CSNK1G2: variants seen among roughly 807,000 people sequenced by gnomAD.
The protein encoded by CSNK1G2 is casein kinase 1 gamma 2.
Under a neutral mutation model 48.0 loss-of-function variants are expected in CSNK1G2, and 11 were observed. The observed-to-expected ratio is 0.23, with a 90% CI of 0.14 to 0.38. The LOEUF (loss-of-function observed/expected upper bound fraction) is 0.38, where lower values mean the gene tolerates loss of function less well. Among genes scored for constraint, CSNK1G2 ranks in the 10% least tolerant of loss-of-function variants. The pLI, the probability that CSNK1G2 is intolerant of heterozygous loss-of-function variation, is 1.00. For missense variants in CSNK1G2, 446 were observed against 595.5 expected, an observed-to-expected ratio of 0.75 and a Z score of 2.61; for synonymous variants, 337 against 254.1, an observed-to-expected ratio of 1.33 and a Z score of -3.10.
intron 2 of CSNK1G2, among the ~76,000 whole-genome samples, chr19:1,970,300 C>T (rs965533371): frequency 4.6e-5 from 7 of 152,250 alleles, no homozygotes; most frequent in South Asian, 2.1e-4. Context: ...GGCGAAGCCC[C>T]GGCTTTAACG....
chr19:1,951,971 G>C (rs577302453), intron 1 of CSNK1G2, among the ~76,000 whole-genome samples: 67 of 152,132 alleles, frequency 4.4e-4, no homozygotes, highest in Non-Finnish European at 7.8e-4. Flanking sequence ...AGAGCCACCG[G>C]GCCCGGCCAT....
intron 1 of CSNK1G2, among the ~76,000 whole-genome samples, chr19:1,950,423 G>A (rs2014723337): frequency 1.4e-5 from 2 of 147,250 alleles, no homozygotes; most frequent in African/African-American, 5.2e-5. Flanking sequence ...ACAGGCGTGA[G>A]CCACCGCGCC....
At chr19:1,966,222 G>A (rs192337828) in intron 1 of CSNK1G2, among the ~76,000 whole-genome samples, 320 of 152,328 alleles carry the variant, frequency 2.1e-3, no homozygotes, top group Non-Finnish European at 4.0e-3. Flanking sequence ...AGGCTTTGCC[G>A]TTCTAGAGGC....
intron 6 of CSNK1G2, 32 bp downstream of exon 6, chr19:1,979,125 G>T (rs991097765): frequency 2.5e-6 from 4 of 1,569,132 alleles, no homozygotes; most frequent in Non-Finnish European, 2.6e-6. Flanking sequence ...GGGGGCGGGC[G>T]CCCGGACCCC....
At chr19:1,973,990 C>G (rs2015665585) in intron 2 of CSNK1G2, among the ~76,000 whole-genome samples, 1 of 152,018 alleles carries the variant, frequency 6.6e-6, no homozygotes, top group Admixed American at 6.6e-5. Flanking sequence ...CGGGTTCAAG[C>G]AATTCTCCTG....
At chr19:1,951,812 C>G (rs956137846) in intron 1 of CSNK1G2, among the ~76,000 whole-genome samples, 3 of 149,114 alleles carry the variant, frequency 2.0e-5, no homozygotes, top group Non-Finnish European at 4.4e-5. Context: ...TCCCGAGCAG[C>G]TGGGACCACA....
In CSNK1G2 at chr19:1,980,329, A is replaced by T; in HGVS notation, c.*126A>T. 1 of 1,213,058 alleles carries T rather than the reference A, an allele frequency of 8.2e-7. No individual in the cohort carries two copies. The allele number at this position is 1,213,058 out of a possible 1,614,324, so 75.1% of individuals were successfully genotyped here. Reference sequence around the variant, plus strand: ...ACCCTGGCTGGAAGCCAGAACGCAGACTGCAGGGGCCGCGCCTGGCTCAGG... The same window carrying T: ...ACCCTGGCTGGAAGCCAGAACGCAGTCTGCAGGGGCCGCGCCTGGCTCAGG... On this transcript the variant is annotated 3_prime_UTR_variant, in exon 12 of 12. Transcript: ENST00000255641.
At chr19:1,967,131 A>G (rs1313121995) in intron 1 of CSNK1G2, among the ~76,000 whole-genome samples, 1 of 152,202 alleles carries the variant, frequency 6.6e-6, no homozygotes, top group African/African-American at 2.4e-5. Context: ...CTGGGAAACC[A>G]GAACATTCGA....
At chr19:1,973,174 G>T (rs1345924383) in intron 2 of CSNK1G2, among the ~76,000 whole-genome samples, 1 of 151,496 alleles carries the variant, frequency 6.6e-6, no homozygotes, top group Non-Finnish European at 1.5e-5. Flanking sequence ...TGATCTGCCC[G>T]CCTCGGCCTC....
In CSNK1G2 at chr19:1,979,511, C is replaced by T. The variant is rs935308358; in HGVS notation, c.870C>T (p.Tyr290=). The stretch of plus-strand genomic sequence containing the variant: ...TCTCTGCAGAGGAGATGGCCACGTA[C>T]CTGCGCTATGTGCGGCGCCTGGACT... ...CENFPEEMAT[Y]LRYVRRLDFF... The change falls in exon 9 of 12, where the codon TAC becomes TAT. Residue 290 remains tyrosine (Y), a synonymous_variant. Coordinates refer to ENST00000255641, the MANE Select transcript of CSNK1G2 (RefSeq NM_001319.7). 1 of 1,553,956 alleles carries T rather than the reference C, an allele frequency of 6.4e-7. No individual in the cohort carries two copies. The highest frequency in any genetic ancestry group is 8.7e-7 in the Non-Finnish European group (1 of 1,147,008).
intron 1 of CSNK1G2, among the ~76,000 whole-genome samples, chr19:1,962,132 C>A (rs1427291726): frequency 2.0e-5 from 3 of 151,934 alleles, no homozygotes; most frequent in Non-Finnish European, 2.9e-5. Flanking sequence ...GAGTTCAAGA[C>A]CATCCTGGCC....
chr19:1,974,999 C>G (rs923033312), intron 2 of CSNK1G2: 1 of 928,456 alleles, frequency 1.1e-6, no homozygotes, highest in Non-Finnish European at 1.3e-6. Context: ...CTCCAGGAGT[C>G]TGCAGATCCA....
In CSNK1G2 at chr19:1,968,094, C is replaced by T. The variant is rs111773161; in HGVS notation, c.-265-1414C>T. Among the ~76,000 whole-genome samples, 300 of 39,568 alleles carry T rather than the reference C, an allele frequency of 7.6e-3. 2 individuals are homozygous for T. Among genetic ancestry groups the T allele is most frequent in the African/African-American group, 0.02 (116 of 5,886 alleles). 26.0% of individuals were successfully genotyped at this position (39,568 alleles called of 152,430 possible). The stretch of plus-strand genomic sequence containing the variant: ...CAGGTGGGGCTCCTCCCTCCTCCCT[C>T]CTCCCCAGGCTGCCCCCGACCACCC... On this transcript the variant is annotated intron_variant, in intron 1 of 11. Transcript: ENST00000255641.
At chr19:1,977,352 G>C (rs1231431764) in intron 2 of CSNK1G2, among the ~76,000 whole-genome samples, 2 of 152,220 alleles carry the variant, frequency 1.3e-5, no homozygotes, top group Non-Finnish European at 2.9e-5. Flanking sequence ...AGTCACCACA[G>C]TGGGTGGGGC....
At chr19:1,942,210 T>A (rs573726809) in intron 1 of CSNK1G2, among the ~76,000 whole-genome samples, 101 of 152,216 alleles carry the variant, frequency 6.6e-4, no homozygotes, top group African/African-American at 2.3e-3. Flanking sequence ...GAGGGTGAGA[T>A]GTCTGAGCAG....
chr19:1,949,241 A>G lies in CSNK1G2; in HGVS notation c.-266+7823A>G, dbSNP rs2014678106. ...GCCCCATCAGCAGCCAGCCTTCCACACCATCCTTTCCAGAACCTTCCCACC... is the reference window on the plus strand; with the variant it reads ...GCCCCATCAGCAGCCAGCCTTCCACGCCATCCTTTCCAGAACCTTCCCACC... On this transcript the variant is annotated intron_variant, in intron 1 of 11. Coordinates refer to ENST00000255641, the MANE Select transcript of CSNK1G2 (RefSeq NM_001319.7). Among the ~76,000 whole-genome samples, 3 of 152,210 alleles carry G rather than the reference A, an allele frequency of 2.0e-5. No homozygotes were observed. The South Asian group carries it at 6.2e-4, about 32-fold the overall frequency.
In CSNK1G2 at chr19:1,969,570, C is replaced by T. The variant is rs547985785; in HGVS notation, c.-203C>T. On this transcript the variant is annotated 5_prime_UTR_variant, in exon 2 of 12. It introduces an in-frame stop codon into an upstream open reading frame of the 5' UTR. Transcript: ENST00000255641. ...GCAGAATGTCTCCTGCCCCCGAGAG[C>T]GACCCCGAGGCCACTGAGAAGAGCA... The T allele has an allele frequency of 1.5e-5, 6 of 400,050 alleles. No homozygotes were observed. Among genetic ancestry groups the T allele is most frequent in the East Asian group, 7.4e-5 (2 of 27,014 alleles). 24.8% of individuals were successfully genotyped at this position (400,050 alleles called of 1,614,324 possible).
chr19:1,950,431 G>A lies in CSNK1G2; in HGVS notation c.-266+9013G>A, dbSNP rs936144160. On this transcript the variant is annotated intron_variant, in intron 1 of 11. Transcript: ENST00000255641. ...TGGGATTACAGGCGTGAGCCACCGC[G>A]CCTGGCCATCAATGTTTATTTTTAA... Among the ~76,000 whole-genome samples, 22 of 147,126 alleles carry A rather than the reference G, an allele frequency of 1.5e-4. 4 individuals are homozygous for A. The East Asian group carries it at 2.1e-3, about 14-fold the overall frequency.
At position 1,976,217 on chromosome 19, in the gene CSNK1G2, G is replaced by T. The variant is rs989033671; in HGVS notation, c.188-2088G>T. 10 of 753,540 alleles carry T rather than the reference G, an allele frequency of 1.3e-5. No individual in the cohort carries two copies. The Admixed American group carries it at 2.7e-4, about 20-fold the overall frequency. 46.7% of individuals were successfully genotyped at this position (753,540 alleles called of 1,614,324 possible). The stretch of plus-strand genomic sequence containing the variant: ...AATAACGTGTTACACTGGGGAGAAC[G>T]TAGGAGGGGAGCCCATTTGTTCTGA... On this transcript the variant is annotated intron_variant, in intron 2 of 11. Transcript: ENST00000255641.
Sources: gnomAD v4.1 joint callset for allele counts (sites outside exome capture counted in the v4.1 genomes callset) on GRCh38, gnomAD v4.1.1 for gene constraint, MANE v1.5 for transcripts, NCBI Gene and HGNC (gene_info 2026-07-23, HGNC 2026-07-21) for gene names.